The following DIP2A variants were observed in gnomAD, a reference collection of about 807,000 sequenced individuals.
DIP2A encodes DIP2 acetate--CoA ligase A.
In DIP2A, 85 loss-of-function variants were observed where a neutral mutation model predicts 177.4. That is an observed-to-expected ratio of 0.48 (90% confidence interval 0.40 to 0.57). The LOEUF (loss-of-function observed/expected upper bound fraction) is 0.57, where lower values mean the gene tolerates loss of function less well. DIP2A is among the 20% of genes least tolerant of loss of function. The pLI is 0.00. For synonymous variants in DIP2A, 886 were observed against 881.8 expected (o/e 1.00, Z -0.08); for missense variants, 1,791 against 2,100.2 (o/e 0.85, Z 2.88).
intron 8 of DIP2A, among the ~76,000 whole-genome samples, chr21:46,524,911 G>C (rs931205346): frequency 4.0e-5 from 3 of 74,404 alleles, no homozygotes; most frequent in African/African-American, 5.6e-5. Context: ...TTTTGAGACA[G>C]AGTCTTACTC....
At chr21:46,476,542 A>C (rs1309213148) in intron 1 of DIP2A, among the ~76,000 whole-genome samples, 2 of 152,150 alleles carry the variant, frequency 1.3e-5, no homozygotes, top group Non-Finnish European at 2.9e-5. Context: ...GCCATCAGAC[A>C]GGGTAGTAAG....
At chr21:46,462,083 G>A (rs1429885302) in intron 1 of DIP2A, among the ~76,000 whole-genome samples, 2 of 152,168 alleles carry the variant, frequency 1.3e-5, no homozygotes, top group Non-Finnish European at 2.9e-5. Context: ...GCAGAGAACA[G>A]AGTAGTAGAG....
chr21:46,527,040 AAAAATCATTT>A (rs2059125983), intron 8 of DIP2A, among the ~76,000 whole-genome samples: 1 of 149,562 alleles, frequency 6.7e-6, no homozygotes, highest in Non-Finnish European at 1.5e-5. Context: ...GAAGAATTTC[AAAAATCATTT>A]AAAATCATTT....
intron 8 of DIP2A, among the ~76,000 whole-genome samples, chr21:46,516,813 T>TG (rs1330751049): frequency 2.0e-5 from 3 of 152,116 alleles, no homozygotes; most frequent in Admixed American, 1.3e-4. Context: ...TAATCTGCTG[T>TG]GAAATCCTGA....
Position 46,459,044 on chromosome 21 carries a change from T to A in DIP2A, c.-88T>A. The A allele has an allele frequency of 8.8e-7, 1 of 1,133,848 alleles. No homozygotes were observed. The highest frequency in any genetic ancestry group is 1.6e-5 in the African/African-American group (1 of 60,614). The allele number at this position is 1,133,848 out of a possible 1,614,324, so 70.2% of individuals were successfully genotyped here. A position where few individuals can be genotyped will look rare whatever the true frequency, so the allele number is the denominator to read the frequency against. ...GCCTGGCGGATGTAGGTTGTTGGCC[T>A]GAGGGGAGCTACGTAGCCGAGGTTT... is the stretch of plus-strand genomic sequence containing the variant. On this transcript the variant is annotated 5_prime_UTR_variant, in exon 1 of 38. Coordinates refer to ENST00000417564, the MANE Select transcript of DIP2A (RefSeq NM_015151.4).
At chr21:46,564,066 C>G in intron 35 of DIP2A, 134 bp downstream of exon 35, 1 of 992,224 alleles carries the variant, frequency 1.0e-6, no homozygotes, top group Non-Finnish European at 1.5e-6. Context: ...GCCCTTGCCC[C>G]GTGTACCTCC....
At position 46,467,855 on chromosome 21, in the gene DIP2A, A is replaced by G. The variant is rs539472998; in HGVS notation, c.91+8633A>G. 7.6e-4 allele frequency among the ~76,000 whole-genome samples: 116 copies of G among 152,134 alleles called. 1 individual carries two copies. In the South Asian group the frequency reaches 0.02, roughly 27 times the overall value. ...CAGCTGGGCCCAGTGGCTCACACCT[A>G]TAATCCCAGCACTTTGGGAGGTCGA... On this transcript the variant is annotated intron_variant, in intron 1 of 37. Transcript: ENST00000417564.
chr21:46,488,232 G>A (rs2056804999), intron 2 of DIP2A, among the ~76,000 whole-genome samples: 1 of 152,152 alleles, frequency 6.6e-6, no homozygotes, highest in Admixed American at 6.5e-5. Flanking sequence ...CCCACCATTA[G>A]TGAACATAAA....
Position 46,546,282 on chromosome 21 carries a change from C to T in DIP2A, c.2394+321C>T, listed in dbSNP as rs557966417. ...TACCATTTTGGATGTCTAAACTATT[C>T]AAAAATAAATGCTTCTATTTGTAAC... On this transcript the variant is annotated intron_variant, in intron 20 of 37. Transcript: ENST00000417564. The T allele has an allele frequency of 3.6e-6, 4 of 1,123,014 alleles. No homozygotes were observed. In the African/African-American group the frequency reaches 6.4e-5, roughly 18 times the overall value. The allele number at this position is 1,123,014 out of a possible 1,614,324, so 69.6% of individuals were successfully genotyped here.
At chr21:46,480,543 G>C (rs765203101) in intron 1 of DIP2A, among the ~76,000 whole-genome samples, 1 of 152,160 alleles carries the variant, frequency 6.6e-6, no homozygotes, top group African/African-American at 2.4e-5. Context: ...CTGTCTAGTC[G>C]TGGCAGCTGT....
chr21:46,570,043 T>C (rs1441448295), downstream of DIP2A, among the ~76,000 whole-genome samples: 2 of 152,244 alleles, frequency 1.3e-5, no homozygotes, highest in Non-Finnish European at 2.9e-5. Flanking sequence ...CATGTTTCAG[T>C]GGCTGTATTT....
chr21:46,556,497 C>T lies in DIP2A; in HGVS notation c.3498+406C>T, dbSNP rs1268067732. On this transcript the variant is annotated intron_variant, in intron 29 of 37. Coordinates refer to ENST00000417564, the MANE Select transcript of DIP2A (RefSeq NM_015151.4). This position sits in a 1 kb window ranked among gnomAD's most constrained non-coding sequence, Gnocchi z 4.5. ...AAGAGATGGAGACCATCCTGGCCAA[C>T]GTGGTGAAACCCCGTCTCTACTAAA... The T allele has an allele frequency of 2.0e-5, 14 of 692,698 alleles. No homozygotes were observed. Among genetic ancestry groups the T allele is most frequent in the South Asian group, 9.4e-5 (6 of 63,820 alleles). The allele number at this position is 692,698 out of a possible 1,614,324, so 42.9% of individuals were successfully genotyped here.
intron 22 of DIP2A, 74 bp from the exon 23 acceptor site, chr21:46,550,469 G>T (rs1318178895): frequency 1.4e-6 from 2 of 1,444,452 alleles, no homozygotes; most frequent in Non-Finnish European, 1.9e-6. Flanking sequence ...CAGAGGGGAT[G>T]TTCCTGTCCC....
At position 46,557,533 on chromosome 21, in the gene DIP2A, G is replaced by T; in HGVS notation, c.3630-52G>T. The T allele has an allele frequency of 1.3e-6, 2 of 1,563,804 alleles. No individual in the cohort carries two copies. Among genetic ancestry groups the T allele is most frequent in the South Asian group, 1.2e-5 (1 of 86,458 alleles). ...TTCTTGAGGAAGGGAAGAGTGGAGT[G>T]CCCAGGGTGCTGGGTGGGCGGGCGG... On this transcript the variant is annotated intron_variant, in intron 30 of 37. Coordinates refer to ENST00000417564, the MANE Select transcript of DIP2A (RefSeq NM_015151.4). The surrounding 1 kb of genome is among the most constrained non-coding windows in gnomAD (Gnocchi z 6.0).
intron 17 of DIP2A, among the ~76,000 whole-genome samples, chr21:46,540,197 C>G (rs1301501819): frequency 1.3e-5 from 2 of 152,154 alleles, no homozygotes; most frequent in Non-Finnish European, 2.9e-5. Context: ...TGGATTCTTG[C>G]AGAATGCCGG....
At chr21:46,565,913 G>T (rs1199122138) in intron 36 of DIP2A, 26 bp downstream of exon 36, 1 of 1,612,332 alleles carries the variant, frequency 6.2e-7, no homozygotes, top group African/African-American at 1.3e-5. Context: ...GAAGCCCTGC[G>T]TGAGTGCTGT....
Position 46,546,273 on chromosome 21 carries a change from T to TAAA in DIP2A, c.2394+313_2394+315dup, listed in dbSNP as rs1444870489. 2.6e-6 allele frequency: 3 copies of TAAA among 1,148,654 alleles called. No individual in the cohort carries two copies. The African/African-American group carries it at 4.8e-5, about 18-fold the overall frequency. The allele number at this position is 1,148,654 out of a possible 1,614,324, so 71.2% of individuals were successfully genotyped here. A position where few individuals can be genotyped will look rare whatever the true frequency, so the allele number is the denominator to read the frequency against. ...ATCATTCTTTACCATTTTGGATGTCTAAACTATTCAAAAATAAATGCTTCT... is the reference window on the plus strand; with the variant it reads ...ATCATTCTTTACCATTTTGGATGTCTAAAAAACTATTCAAAAATAAATGCTTCT... On this transcript the variant is annotated intron_variant, in intron 20 of 37. Transcript: ENST00000417564.
At chr21:46,520,592 G>C (rs553478282) in intron 8 of DIP2A, among the ~76,000 whole-genome samples, 1 of 152,320 alleles carries the variant, frequency 6.6e-6, no homozygotes, top group South Asian at 2.1e-4. Flanking sequence ...ACCTTCTAAA[G>C]AGGACCCAAA....
Position 46,550,652 on chromosome 21 carries a change from G to A in DIP2A, c.2747G>A (p.Arg916His), listed in dbSNP as rs572074409. ...GGIHISETKQ[R>H]FLEGTLHPCN... The stretch of plus-strand genomic sequence containing the variant: ...ATTCACATTTCTGAAACCAAACAGC[G>A]CTTTCTGGAAGGGACGCTGCACCCG... Residue 916 changes from arginine (R) to histidine (H), a missense_variant, in exon 23 of 38, where the codon CGC (arginine) becomes CAC (histidine). Transcript: ENST00000417564. The A allele has an allele frequency of 1.8e-5, 29 of 1,613,946 alleles. No homozygotes were observed. Among genetic ancestry groups the A allele is most frequent in the African/African-American group, 9.3e-5 (7 of 75,050 alleles).
Sources: gnomAD v4.1 joint callset for allele counts (sites outside exome capture counted in the v4.1 genomes callset) on GRCh38, gnomAD v4.1.1 for gene constraint, Gnocchi (gnomAD v3.1) non-coding constraint, MANE v1.5 for transcripts, NCBI Gene and HGNC (gene_info 2026-07-23, HGNC 2026-07-21) for gene names.